PARD3: variants seen among roughly 807,000 people sequenced by gnomAD.
The protein encoded by PARD3 is par-3 family cell polarity regulator, also known as partitioning defective 3 homolog.
Under a neutral mutation model 155.4 loss-of-function variants are expected in PARD3, and 75 were observed. The ratio of observed to expected loss-of-function variants is 0.48; its 90% confidence interval spans 0.40 to 0.58. The LOEUF is 0.58. PARD3 is among the 20% of genes least tolerant of loss of function. PARD3 has a pLI of 0.00. For missense variants in PARD3, 1,642 were observed against 1,721.7 expected (o/e 0.95, Z 0.82); for synonymous variants, 576 against 610.5 (o/e 0.94, Z 0.83).
At chr10:34,389,467 T>A (rs944176058) in intron 7 of PARD3, among the ~76,000 whole-genome samples, 1 of 152,192 alleles carries the variant, frequency 6.6e-6, no homozygotes, top group African/African-American at 2.4e-5. Context: ...ATTCTAAGTA[T>A]AAATTACAAC....
At chr10:34,279,682 T>C (rs532156413) in intron 21 of PARD3, among the ~76,000 whole-genome samples, 44 of 152,180 alleles carry the variant, frequency 2.9e-4, no homozygotes, top group African/African-American at 1.0e-3. Flanking sequence ...TGAGAACAGC[T>C]GGTAAAATTA....
chr10:34,757,672 C>T (rs1441120707), intron 1 of PARD3, among the ~76,000 whole-genome samples: 1 of 151,564 alleles, frequency 6.6e-6, no homozygotes, highest in Non-Finnish European at 1.5e-5. Context: ...GATCGTGCCA[C>T]TGGGCGAAAC....
rs145927074 is a variant in PARD3 at position 34,786,619 on chromosome 10, T to C, written c.120+28257A>G. ...CCAGGCATCTTATTACATCTGGGGA[T>C]TAGAAAGAAATGGAATGTGCCTGCC... On this transcript the variant is annotated intron_variant, in intron 1 of 24. Coordinates refer to ENST00000374788, the MANE Select transcript of PARD3 (RefSeq NM_001184785.2). Among the ~76,000 whole-genome samples the C allele has an allele frequency of 6.6e-5, 10 of 152,216 alleles. No individual in the cohort carries two copies. In the East Asian group the frequency reaches 1.9e-3, roughly 29 times the overall value.
intron 1 of PARD3, among the ~76,000 whole-genome samples, chr10:34,750,313 A>G (rs1245874429): frequency 1.3e-5 from 2 of 152,100 alleles, no homozygotes; most frequent in South Asian, 2.1e-4. Context: ...AAGGTCAAAC[A>G]TATATTAATC....
chr10:34,264,106 C>T (rs1443318640), intron 22 of PARD3, among the ~76,000 whole-genome samples: 1 of 152,136 alleles, frequency 6.6e-6, no homozygotes, highest in Admixed American at 6.5e-5. Context: ...GCTAACTATT[C>T]AGTAGAAACC....
At chr10:34,566,887 C>T (rs2085988626) in intron 2 of PARD3, among the ~76,000 whole-genome samples, 1 of 152,072 alleles carries the variant, frequency 6.6e-6, no homozygotes, top group Admixed American at 6.6e-5. Context: ...TATTAACACT[C>T]TTTTTTTGAA....
intron 22 of PARD3, among the ~76,000 whole-genome samples, chr10:34,243,356 C>T (rs1023143578): frequency 1.3e-5 from 2 of 152,170 alleles, no homozygotes; most frequent in Non-Finnish European, 2.9e-5. Context: ...CCCAATACAT[C>T]ACATTCAGAG....
chr10:34,765,514 C>G (rs1194749952), intron 1 of PARD3, among the ~76,000 whole-genome samples: 1 of 151,982 alleles, frequency 6.6e-6, no homozygotes, highest in Non-Finnish European at 1.5e-5. Context: ...CCCGTCTCTA[C>G]TAAAAATACA....
intron 22 of PARD3, among the ~76,000 whole-genome samples, chr10:34,221,531 A>G (rs1952293430): frequency 6.6e-6 from 1 of 152,024 alleles, no homozygotes; most frequent in Non-Finnish European, 1.5e-5. Flanking sequence ...TGTGGTGAGA[A>G]TACTTAAAAT....
chr10:34,413,183 A>G (rs1845293066), intron 5 of PARD3, among the ~76,000 whole-genome samples: 1 of 151,464 alleles, frequency 6.6e-6, no homozygotes, highest in Non-Finnish European at 1.5e-5. Flanking sequence ...ACACACACAT[A>G]TATATAAGAC....
At chr10:34,232,163 A>T (rs1302983925) in intron 22 of PARD3, among the ~76,000 whole-genome samples, 2 of 152,168 alleles carry the variant, frequency 1.3e-5, no homozygotes, top group Non-Finnish European at 2.9e-5. Context: ...ACCACGTCTT[A>T]TAGGTATTCA....
chr10:34,520,687 C>T (rs1438886256), intron 2 of PARD3, among the ~76,000 whole-genome samples: 1 of 152,108 alleles, frequency 6.6e-6, no homozygotes, highest in Admixed American at 6.5e-5. Flanking sequence ...ATAGACAATA[C>T]AAAAACAAAT....
chr10:34,806,918 AACAGAGGCTC>A (rs1843468226), intron 1 of PARD3, among the ~76,000 whole-genome samples: 1 of 152,236 alleles, frequency 6.6e-6, no homozygotes, highest in African/African-American at 2.4e-5. Context: ...AACATGGGGA[AACAGAGGCTC>A]ACAGAGCTTG....
intron 1 of PARD3, among the ~76,000 whole-genome samples, chr10:34,696,775 A>G (rs538537915): frequency 6.6e-6 from 1 of 151,400 alleles, no homozygotes; most frequent in Admixed American, 6.6e-5. Context: ...TTAACCCCCA[A>G]TGCAATCTAC....
At chr10:34,417,790 T>C (rs1253828632) in intron 5 of PARD3, among the ~76,000 whole-genome samples, 1 of 152,198 alleles carries the variant, frequency 6.6e-6, no homozygotes, top group Non-Finnish European at 1.5e-5. Flanking sequence ...GAAATACCCT[T>C]CCTTAACCAA....
rs1407618003 is a variant in PARD3, at chr10:34,405,142, TGAAA to T, written c.715-3229_715-3226del. Among the ~76,000 whole-genome samples, 8 of 151,248 alleles carry T rather than the reference TGAAA, an allele frequency of 5.3e-5. No homozygotes were observed. The East Asian group carries it at 9.7e-4, about 18-fold the overall frequency. On this transcript the variant is annotated intron_variant, in intron 5 of 24. Transcript: ENST00000374788. ...CTTTAAAAACTCTTCCTCTTAGTAC[TGAAA>T]GAATCAGTACGAAAATCCTCCATAT...
intron 1 of PARD3, among the ~76,000 whole-genome samples, chr10:34,707,524 G>A (rs977013616): frequency 6.6e-6 from 1 of 152,164 alleles, no homozygotes; most frequent in African/African-American, 2.4e-5. Context: ...ACTGAGGTTT[G>A]AGAACCAGTG....
intron 3 of PARD3, among the ~76,000 whole-genome samples, chr10:34,512,381 G>A (rs1243914299): frequency 6.6e-6 from 1 of 151,990 alleles, no homozygotes; most frequent in Non-Finnish European, 1.5e-5. Flanking sequence ...TATCTGTATT[G>A]ATGCTCCCAC....
intron 2 of PARD3, among the ~76,000 whole-genome samples, chr10:34,572,358 T>G (rs1298394155): frequency 6.6e-6 from 1 of 151,498 alleles, no homozygotes; most frequent in Non-Finnish European, 1.5e-5. Flanking sequence ...CCTAAAGAGG[T>G]GCAGACACGA....
Sources: gnomAD v4.1 joint callset for allele counts (sites outside exome capture counted in the v4.1 genomes callset) on GRCh38, gnomAD v4.1.1 for gene constraint, MANE v1.5 for transcripts, NCBI Gene and HGNC (gene_info 2026-07-23, HGNC 2026-07-21) for gene names.